Variants in PRKN observed in about 807,000 individuals in gnomAD.
PRKN encodes E3 ubiquitin-protein ligase parkin.
A neutral mutation model predicts 59.5 loss-of-function variants in PRKN; 56 were observed. That is an observed-to-expected ratio of 0.94 (90% CI 0.76 to 1.18). The LOEUF (loss-of-function observed/expected upper bound fraction) is 1.18, where lower values mean the gene tolerates loss of function less well. PRKN is among the 50% of genes most tolerant of loss of function. The pLI, the probability that PRKN is intolerant of heterozygous loss-of-function variation, is 0.00. For missense variants in PRKN, 657 were observed against 596.4 expected, an observed-to-expected ratio of 1.10 and a Z score of -1.06; for synonymous variants, 250 against 222.1, an observed-to-expected ratio of 1.13 and a Z score of -1.12.
chr6:161,949,318 C>A (rs1779898329), intron 6 of PRKN, among the ~76,000 whole-genome samples: 1 of 152,178 alleles, frequency 6.6e-6, no homozygotes, highest in African/African-American at 2.4e-5. Context: ...CGAGACCAGC[C>A]TGGCCAACAT....
intron 7 of PRKN, among the ~76,000 whole-genome samples, chr6:161,632,848 A>C (rs1400060587): frequency 6.6e-6 from 1 of 152,106 alleles, no homozygotes; most frequent in Admixed American, 6.5e-5. Context: ...CTCACTCACT[A>C]TCATGAGAAT....
intron 1 of PRKN, among the ~76,000 whole-genome samples, chr6:162,459,214 CTGTAGAGATACTACA>C (rs1791046319): frequency 6.6e-6 from 1 of 152,142 alleles, no homozygotes; most frequent in Non-Finnish European, 1.5e-5. Context: ...CATCATATTA[CTGTAGAGATACTACA>C]TGCAATCTGC....
rs1006111453 is a variant in PRKN at position 161,575,341 on chromosome 6, G to T, written c.872-5925C>A. Among the ~76,000 whole-genome samples the T allele has an allele frequency of 6.6e-6, 1 of 152,028 alleles. No individual in the cohort carries two copies. The highest frequency in any genetic ancestry group is 2.1e-4 in the South Asian group (1 of 4,814). On this transcript the variant is annotated intron_variant, in intron 7 of 11. Transcript: ENST00000366898. This position sits in a 1 kb window ranked among gnomAD's most constrained non-coding sequence, Gnocchi z 4.6. ...CGGGGAAGCTCCTCAATGAAAACGC[G>T]TCACAAAGTTGTGTAGCATTTCCAC...
chr6:162,084,423 G>A (rs953590328), intron 4 of PRKN, among the ~76,000 whole-genome samples: 4 of 152,176 alleles, frequency 2.6e-5, no homozygotes, highest in African/African-American at 9.6e-5. Context: ...TCAGGTTGCT[G>A]GTTTCTTTCA....
intron 2 of PRKN, among the ~76,000 whole-genome samples, chr6:162,397,570 A>G (rs1376416950): frequency 1.3e-5 from 2 of 152,138 alleles, no homozygotes; most frequent in Non-Finnish European, 2.9e-5. Flanking sequence ...ATTTGTTTAC[A>G]GGGACAACTA....
At chr6:162,586,459 C>CT (rs1781063745) in intron 1 of PRKN, among the ~76,000 whole-genome samples, 1 of 152,262 alleles carries the variant, frequency 6.6e-6, no homozygotes, top group Non-Finnish European at 1.5e-5. Context: ...CAAAGGTACA[C>CT]TATGAACACT....
At chr6:162,574,214 A>C (rs1401857190) in intron 1 of PRKN, among the ~76,000 whole-genome samples, 1 of 152,114 alleles carries the variant, frequency 6.6e-6, no homozygotes, top group African/African-American at 2.4e-5. Context: ...CAAATCTTCA[A>C]AGAAGGCACA....
At chr6:162,513,159 C>A (rs1777701552) in intron 1 of PRKN, among the ~76,000 whole-genome samples, 1 of 152,038 alleles carries the variant, frequency 6.6e-6, no homozygotes, top group Non-Finnish European at 1.5e-5. Flanking sequence ...GCAGAGGAAG[C>A]AGCATGACCA....
chr6:162,246,329 G>T (rs1779192783), intron 3 of PRKN, among the ~76,000 whole-genome samples: 2 of 152,102 alleles, frequency 1.3e-5, no homozygotes, highest in Admixed American at 1.3e-4. Flanking sequence ...GGAGAAGACG[G>T]CCATCTGTAC....
At chr6:162,035,251 TGAG>T (rs1231142421) in intron 5 of PRKN, among the ~76,000 whole-genome samples, 1 of 152,138 alleles carries the variant, frequency 6.6e-6, no homozygotes, top group East Asian at 1.9e-4. Flanking sequence ...CTCATTACCT[TGAG>T]GAGGCACCAA....
At chr6:162,007,592 T>C (rs1424063771) in intron 5 of PRKN, among the ~76,000 whole-genome samples, 1 of 152,136 alleles carries the variant, frequency 6.6e-6, no homozygotes, top group Non-Finnish European at 1.5e-5. Context: ...AATCATCAAT[T>C]AAGTTTTATA....
Position 161,548,935 on chromosome 6 carries a change from G to T in PRKN, c.1002C>A (p.Arg334=), listed in dbSNP as rs559962331. ...VLQMGGVLCP[R]PGCGAGLLPE... is the part of the protein sequence containing the mutation. Reference sequence around the variant, plus strand: ...GCAGCAGCCCCGCTCCACAGCCAGGGCGGGGGCATAACACGCCCCCCATCT... The same window carrying T: ...GCAGCAGCCCCGCTCCACAGCCAGGTCGGGGGCATAACACGCCCCCCATCT... The change falls in exon 9 of 12, where the codon CGC becomes CGA. Residue 334 remains arginine (R), a synonymous_variant. Transcript: ENST00000366898. This position sits in a 1 kb window ranked among gnomAD's most constrained non-coding sequence, Gnocchi z 4.2. 3.3e-5 allele frequency: 53 copies of T among 1,613,994 alleles called. No homozygotes were observed. In the East Asian group the frequency reaches 1.2e-3, roughly 35 times the overall value.
chr6:162,708,683 G>A (rs751786926), intron 1 of PRKN, among the ~76,000 whole-genome samples: 9 of 151,976 alleles, frequency 5.9e-5, no homozygotes, highest in Non-Finnish European at 8.8e-5. Flanking sequence ...ACTCATTTTC[G>A]ACCACTGGCC....
chr6:162,371,635 A>G (rs1207096490), intron 2 of PRKN, among the ~76,000 whole-genome samples: 1 of 152,202 alleles, frequency 6.6e-6, no homozygotes, highest in East Asian at 1.9e-4. Context: ...TATAATAACC[A>G]TTCGATAAAA....
rs1780699495 is a variant in PRKN, at chr6:161,969,147, G to A, written c.734+4155C>T. Among the ~76,000 whole-genome samples the A allele has an allele frequency of 3.3e-5, 5 of 152,078 alleles. 1 individual carries two copies. On this transcript the variant is annotated intron_variant, in intron 6 of 11. Coordinates refer to ENST00000366898, the MANE Select transcript of PRKN (RefSeq NM_004562.3). ...TTCTGGAAAGGAAGGTGACAATATG[G>A]ATCAAGAACCTCAAAAATGTCCATT...
chr6:161,804,320 G>C (rs1019823557), intron 6 of PRKN, among the ~76,000 whole-genome samples: 3 of 152,190 alleles, frequency 2.0e-5, no homozygotes, highest in Admixed American at 6.5e-5. Flanking sequence ...TGAGCAGTGT[G>C]GACACTGATA....
chr6:162,710,760 C>A (rs1241201721), intron 1 of PRKN, among the ~76,000 whole-genome samples: 1 of 151,820 alleles, frequency 6.6e-6, no homozygotes, highest in African/African-American at 2.4e-5. Flanking sequence ...CTACAAAGTA[C>A]TTTAAAAAAA....
rs1471065114 is a variant in PRKN, at chr6:161,503,803, A to C, written c.1083+45051T>G. ...AAGTCAGATGTGAGCATTCTTTTAGAATCCACTGTGAGGAAAAGCCTGCTT... is the reference window on the plus strand; with the variant it reads ...AAGTCAGATGTGAGCATTCTTTTAGCATCCACTGTGAGGAAAAGCCTGCTT... On this transcript the variant is annotated intron_variant, in intron 9 of 11. Transcript: ENST00000366898. The surrounding 1 kb of genome is among the most constrained non-coding windows in gnomAD (Gnocchi z 5.1). Among the ~76,000 whole-genome samples, 1 of 152,198 alleles carries C rather than the reference A, an allele frequency of 6.6e-6. No individual in the cohort carries two copies. The highest frequency in any genetic ancestry group is 2.4e-5 in the African/African-American group (1 of 41,452).
Position 162,176,189 on chromosome 6 carries a change from G to A in PRKN, c.534+24942C>T, listed in dbSNP as rs78259281. On this transcript the variant is annotated intron_variant, in intron 4 of 11. Transcript: ENST00000366898. The stretch of plus-strand genomic sequence containing the variant: ...GGCCTATTAAGATTTGGAGAGGGGT[G>A]GAATTAGATGAATAATCTAATAAAG... Among the ~76,000 whole-genome samples, 1,520 of 152,222 alleles carry A rather than the reference G, an allele frequency of 1.0e-2. 29 individuals are homozygous for A. The highest frequency in any genetic ancestry group is 0.035 in the African/African-American group (1,450 of 41,518).
Sources: allele counts gnomAD v4.1 joint callset (sites outside exome capture counted in the v4.1 genomes callset), GRCh38; gene constraint gnomAD v4.1.1; non-coding constraint Gnocchi (gnomAD v3.1); transcripts MANE v1.5; gene names NCBI Gene and HGNC (gene_info 2026-07-23, HGNC 2026-07-21).